The following EVC variants were observed in gnomAD, a reference collection of about 807,000 sequenced individuals.
EVC encodes evC complex member EVC.
EVC carries 116 observed loss-of-function variants against 118.9 expected under a neutral mutation model. The observed-to-expected ratio is 0.98, with a 90% CI of 0.84 to 1.14. The LOEUF is 1.14. Among genes scored for constraint, EVC ranks in the 50% most tolerant of loss-of-function variants. The pLI, the probability that EVC is intolerant of heterozygous loss-of-function variation, is 0.00. For synonymous variants in EVC, 619 were observed against 534.7 expected, an observed-to-expected ratio of 1.16 and a Z score of -2.18; for missense variants, 1,401 against 1,246.4, an observed-to-expected ratio of 1.12 and a Z score of -1.87.
At chr4:5,729,811 G>A (rs1726495038) in intron 3 of EVC, among the ~76,000 whole-genome samples, 2 of 152,150 alleles carry the variant, frequency 1.3e-5, no homozygotes, top group South Asian at 4.1e-4. Context: ...TCAACTTGGT[G>A]TTATGCCTAT....
chr4:5,735,439 A>G (rs1727506488), intron 5 of EVC, among the ~76,000 whole-genome samples: 1 of 152,182 alleles, frequency 6.6e-6, no homozygotes, highest in Non-Finnish European at 1.5e-5. Flanking sequence ...ACTTTAGGAA[A>G]GGCTTAAATA....
chr4:5,810,332 T>G lies in EVC; in HGVS notation c.2783-7T>G. 6.2e-7 allele frequency: 1 copy of G among 1,610,134 alleles called. No individual in the cohort carries two copies. The highest frequency in any genetic ancestry group is 8.5e-7 in the Non-Finnish European group (1 of 1,177,414). On this transcript the variant is annotated splice_polypyrimidine_tract_variant and splice_region_variant and intron_variant, in intron 19 of 20. Coordinates refer to ENST00000264956, the MANE Select transcript of EVC (RefSeq NM_153717.3). ...GAGCCATGCCTGGGTTCATCTGTCC[T>G]CTACAGAGAAGCCCCTAAGGACTAA...
intron 2 of EVC, among the ~76,000 whole-genome samples, chr4:5,724,251 T>TA (rs1725441286): frequency 6.6e-6 from 1 of 152,192 alleles, no homozygotes; most frequent in African/African-American, 2.4e-5. Flanking sequence ...TCAGGGTAAA[T>TA]ACGCTGGAGG....
chr4:5,825,178 T>TCCCCACC, the EVC span: 1 of 985,436 alleles, frequency 1.0e-6, no homozygotes, highest in Non-Finnish European at 1.2e-6. This position sits in a 1 kb window ranked among gnomAD's most constrained non-coding sequence, Gnocchi z 4.4. Context: ...ACTCCATGTT[T>TCCCCACC]ACTTTCATGA....
intron 12 of EVC, among the ~76,000 whole-genome samples, chr4:5,786,857 G>A (rs1196124976): frequency 1.4e-5 from 2 of 143,932 alleles, no homozygotes; most frequent in Non-Finnish European, 3.0e-5. Flanking sequence ...GGGTGACAGA[G>A]CGAGACTCCG....
chr4:5,785,821 G>A (rs537035618), intron 12 of EVC, among the ~76,000 whole-genome samples: 17 of 152,174 alleles, frequency 1.1e-4, no homozygotes, highest in African/African-American at 1.7e-4. Context: ...TGTATTCTTC[G>A]AAGGGATCTA....
chr4:5,721,181 A>G (rs1724898756), intron 2 of EVC, among the ~76,000 whole-genome samples: 1 of 152,192 alleles, frequency 6.6e-6, no homozygotes, highest in South Asian at 2.1e-4. Flanking sequence ...CTGCTGACAG[A>G]TGTGAAAACA....
the EVC span, chr4:5,821,688 A>AAAAC: frequency 2.1e-6 from 3 of 1,448,546 alleles, no homozygotes; most frequent in East Asian, 2.4e-5. The surrounding 1 kb of genome is among the most constrained non-coding windows in gnomAD (Gnocchi z 4.4). Context: ...GTGGGTTTCA[A>AAAAC]AAACACTGAC....
At chr4:5,801,002 A>G (rs1560432070) in intron 15 of EVC, among the ~76,000 whole-genome samples, 1 of 152,200 alleles carries the variant, frequency 6.6e-6, no homozygotes, top group African/African-American at 2.4e-5. Flanking sequence ...CCATCCTCTT[A>G]TGAGGAAAAG....
chr4:5,796,953 T>A, intron 13 of EVC, 69 bp from the exon 14 acceptor site: 1 of 1,197,868 alleles, frequency 8.3e-7, no homozygotes, highest in Non-Finnish European at 1.2e-6. Flanking sequence ...TGTGGCTGTT[T>A]GGGGAGCTTG....
At chr4:5,727,363 A>T (rs1043755674) in intron 2 of EVC, among the ~76,000 whole-genome samples, 3 of 152,182 alleles carry the variant, frequency 2.0e-5, no homozygotes, top group African/African-American at 4.8e-5. Context: ...GGCTGCATCA[A>T]TGTCTTCTTT....
downstream of EVC, among the ~76,000 whole-genome samples, chr4:5,815,221 G>A (rs149258954): frequency 1.3e-5 from 2 of 151,960 alleles, no homozygotes; most frequent in Non-Finnish European, 2.9e-5. Flanking sequence ...TCTCGGTGGG[G>A]TCTGTGCACA....
intron 5 of EVC, among the ~76,000 whole-genome samples, chr4:5,739,556 A>T (rs1174391516): frequency 6.6e-6 from 1 of 152,232 alleles, no homozygotes; most frequent in Non-Finnish European, 1.5e-5. Context: ...AAGAGTGATT[A>T]ACAAGCCTTA....
chr4:5,770,708 C>T (rs1231174740), intron 11 of EVC, among the ~76,000 whole-genome samples: 1 of 152,134 alleles, frequency 6.6e-6, no homozygotes. Flanking sequence ...ATCAGTCAAT[C>T]AGTTAATGTA....
intron 12 of EVC, among the ~76,000 whole-genome samples, chr4:5,790,867 A>G (rs1712640288): frequency 6.6e-6 from 1 of 152,128 alleles, no homozygotes; most frequent in Non-Finnish European, 1.5e-5. Context: ...GCCGAGGCAG[A>G]TGGATCACTT....
At chr4:5,799,721 A>G (rs1025021799) in intron 15 of EVC, among the ~76,000 whole-genome samples, 1 of 152,196 alleles carries the variant, frequency 6.6e-6, no homozygotes, top group African/African-American at 2.4e-5. Context: ...GAGCCCTCCA[A>G]GGGGTTCCTT....
At chr4:5,819,685 A>T in the EVC span, among the ~76,000 whole-genome samples, 5 of 152,212 alleles carry the variant, frequency 3.3e-5, no homozygotes, top group African/African-American at 1.2e-4. Context: ...AGGCTGGATA[A>T]CTTCATCCTG....
intron 12 of EVC, among the ~76,000 whole-genome samples, chr4:5,793,256 G>A (rs768529709): frequency 3.6e-4 from 55 of 152,104 alleles, no homozygotes; most frequent in Non-Finnish European, 6.8e-4. Flanking sequence ...ACAAAGTGGC[G>A]TTAGAGGAAA....
At chr4:5,766,900 T>C (rs981338329) in intron 11 of EVC, among the ~76,000 whole-genome samples, 6 of 152,194 alleles carry the variant, frequency 3.9e-5, no homozygotes, top group African/African-American at 1.4e-4. Context: ...TTCTCTCAGC[T>C]TGTCAAAGTC....
Sources: gnomAD v4.1 joint callset for allele counts (sites outside exome capture counted in the v4.1 genomes callset) on GRCh38, gnomAD v4.1.1 for gene constraint, Gnocchi (gnomAD v3.1) non-coding constraint, MANE v1.5 for transcripts, NCBI Gene and HGNC (gene_info 2026-07-23, HGNC 2026-07-21) for gene names.